Variants in EP400 observed in about 807,000 individuals in gnomAD.
EP400 encodes the protein E1A binding protein p400, also known as E1A-binding protein p400.
Under a neutral mutation model 354.1 loss-of-function variants are expected in EP400, and 105 were observed. The ratio of observed to expected loss-of-function variants is 0.30; its 90% confidence interval spans 0.25 to 0.35. The LOEUF (loss-of-function observed/expected upper bound fraction) is 0.35, where lower values mean the gene tolerates loss of function less well. EP400 is among the 10% of genes least tolerant of loss of function. EP400 has a pLI of 1.00. For missense variants in EP400, 3,280 were observed against 4,121.0 expected (o/e 0.80, Z 5.59); for synonymous variants, 1,646 against 1,716.9 (o/e 0.96, Z 1.02).
Position 132,052,439 on chromosome 12 carries a change from G to A in EP400, c.7395-707G>A, listed in dbSNP as rs1020363154. 3.3e-4 allele frequency among the ~76,000 whole-genome samples: 51 copies of A among 152,244 alleles called. No individual in the cohort carries two copies. Among genetic ancestry groups the A allele is most frequent in the Admixed American group, 2.8e-3 (43 of 15,288 alleles). On this transcript the variant is annotated intron_variant, in intron 41 of 52. Coordinates refer to ENST00000389561, the MANE Select transcript of EP400 (RefSeq NM_015409.5). The surrounding 1 kb of genome is among the most constrained non-coding windows in gnomAD (Gnocchi z 4.4). ...TTCAGCCCCTTGGTGCTCCCTGAGT[G>A]TGCTGGCAGCCGCGCCCCAGCCCTT...
At chr12:131,954,424 CAA>C (rs1891623080) in intron 1 of EP400, among the ~76,000 whole-genome samples, 1 of 151,306 alleles carries the variant, frequency 6.6e-6, no homozygotes, top group Non-Finnish European at 1.5e-5. Context: ...CCTGTCTATA[CAA>C]AAAAATACAA....
chr12:132,032,659 C>T (rs191581917), intron 30 of EP400, among the ~76,000 whole-genome samples: 69 of 142,378 alleles, frequency 4.8e-4, no homozygotes, highest in Admixed American at 1.2e-3. Context: ...GAGATGGAGT[C>T]TTACTCTGTC....
chr12:131,989,130 G>T (rs1233472036), intron 7 of EP400, among the ~76,000 whole-genome samples: 1 of 152,254 alleles, frequency 6.6e-6, no homozygotes, highest in Non-Finnish European at 1.5e-5. Context: ...GGATGGGTGG[G>T]GGCTGGCCGA....
At chr12:132,048,519 AT>A (rs35268260) in intron 39 of EP400, among the ~76,000 whole-genome samples, 2,695 of 133,578 alleles carry the variant, frequency 0.02, 21 homozygotes, top group Middle Eastern at 0.071. Context: ...TTTGAGAGTG[AT>A]TTTTTTTTTT....
intron 47 of EP400, among the ~76,000 whole-genome samples, chr12:132,063,449 C>T (rs897212171): frequency 5.3e-5 from 8 of 152,128 alleles, no homozygotes; most frequent in Admixed American, 1.3e-4. Flanking sequence ...TGCAGTGAGC[C>T]GAGATTGTGC....
intron 15 of EP400, among the ~76,000 whole-genome samples, chr12:132,011,261 C>T (rs1379870475): frequency 6.6e-6 from 1 of 152,192 alleles, no homozygotes; most frequent in African/African-American, 2.4e-5. Flanking sequence ...CTACTAAGGC[C>T]TCCTCTGGTG....
intron 15 of EP400, among the ~76,000 whole-genome samples, chr12:132,007,743 G>C (rs546976136): frequency 6.6e-6 from 1 of 152,164 alleles, no homozygotes; most frequent in South Asian, 2.1e-4. Context: ...AGGGGATTTG[G>C]CCTTGTCTTT....
At chr12:131,971,367 T>C (rs963318079) in intron 2 of EP400, among the ~76,000 whole-genome samples, 1 of 152,242 alleles carries the variant, frequency 6.6e-6, no homozygotes, top group African/African-American at 2.4e-5. Flanking sequence ...ATATACTATA[T>C]TATCTGTTCA....
At chr12:132,001,973 G>A (rs1893430983) in intron 12 of EP400, among the ~76,000 whole-genome samples, 1 of 152,170 alleles carries the variant, frequency 6.6e-6, no homozygotes, top group Non-Finnish European at 1.5e-5. Context: ...CACTGGAACA[G>A]CTCGTGCCCT....
At position 132,023,163 on chromosome 12, in the gene EP400, A is replaced by T. The variant is rs1217190945; in HGVS notation, c.4691-614A>T. 1.3e-4 allele frequency among the ~76,000 whole-genome samples: 18 copies of T among 142,750 alleles called. No homozygotes were observed. In the South Asian group the frequency reaches 3.1e-3, roughly 24 times the overall value. The allele number at this position is 142,750 out of a possible 152,430, so 93.6% of individuals were successfully genotyped here. A position where few individuals can be genotyped will look rare whatever the true frequency, so the allele number is the denominator to read the frequency against. ...TTTTTTTTTTTGGAGATGGAGTTTC[A>T]CTCTTGTTGCCCAGACTGGGGTGCA... On this transcript the variant is annotated intron_variant, in intron 23 of 52. Transcript: ENST00000389561.
In EP400 at chr12:132,053,137, G is replaced by T; in HGVS notation, c.7395-9G>T. The T allele has an allele frequency of 6.2e-7, 1 of 1,614,002 alleles. No individual in the cohort carries two copies. Among genetic ancestry groups the T allele is most frequent in the Non-Finnish European group, 8.5e-7 (1 of 1,179,978 alleles). On this transcript the variant is annotated splice_polypyrimidine_tract_variant and intron_variant, in intron 41 of 52. Transcript: ENST00000389561. The stretch of plus-strand genomic sequence containing the variant: ...CTGTATGTTTTTAACCTTTGCGTCT[G>T]TCTTTCAGTGGAATCAACTATGACA...
At position 132,052,269 on chromosome 12, in the gene EP400, C is replaced by T. The variant is rs1471211965; in HGVS notation, c.7395-877C>T. The stretch of plus-strand genomic sequence containing the variant: ...GCCGCCCACAGTTGTCACACAGTGG[C>T]GGATTTGGGAGGCTTCCTCGTTCTG... On this transcript the variant is annotated intron_variant, in intron 41 of 52. Transcript: ENST00000389561. This position sits in a 1 kb window ranked among gnomAD's most constrained non-coding sequence, Gnocchi z 4.4. Among the ~76,000 whole-genome samples, 1 of 152,202 alleles carries T rather than the reference C, an allele frequency of 6.6e-6. No individual in the cohort carries two copies. The highest frequency in any genetic ancestry group is 1.5e-5 in the Non-Finnish European group (1 of 68,022).
In EP400 at chr12:132,014,413, G is replaced by A. The variant is rs187804201; in HGVS notation, c.3923+500G>A. The stretch of plus-strand genomic sequence containing the variant: ...ATGGCCAGCCGCTGTGCCTCTGTCT[G>A]GCAGGGACGTGCTGGTGCCAGAAGC... On this transcript the variant is annotated intron_variant, in intron 19 of 52. Coordinates refer to ENST00000389561, the MANE Select transcript of EP400 (RefSeq NM_015409.5). Among the ~76,000 whole-genome samples, 445 of 152,298 alleles carry A rather than the reference G, an allele frequency of 2.9e-3. 4 individuals are homozygous for A. Among genetic ancestry groups the A allele is most frequent in the African/African-American group, 0.01 (431 of 41,570 alleles).
chr12:131,963,551 A>G (rs929223110), intron 2 of EP400: 6 of 1,598,390 alleles, frequency 3.8e-6, no homozygotes, highest in Non-Finnish European at 5.1e-6. Flanking sequence ...GTGACAGGAA[A>G]GGATGGGCAG....
At chr12:132,060,607 C>T (rs1426986061) in intron 45 of EP400, among the ~76,000 whole-genome samples, 1 of 152,076 alleles carries the variant, frequency 6.6e-6, no homozygotes, top group Non-Finnish European at 1.5e-5. Context: ...GGCTCTGCAT[C>T]TCTTGGAGAT....
At chr12:131,979,639 A>C in intron 2 of EP400, 55 bp from the exon 3 acceptor site, 1 of 1,487,680 alleles carries the variant, frequency 6.7e-7, no homozygotes, top group Non-Finnish European at 9.1e-7. Context: ...ATTTGAGTTT[A>C]TTCTTGTAAT....
chr12:131,971,122 T>C (rs1892274568), intron 2 of EP400, among the ~76,000 whole-genome samples: 1 of 152,160 alleles, frequency 6.6e-6, no homozygotes, highest in Non-Finnish European at 1.5e-5. Flanking sequence ...GAAGATCGCT[T>C]GAGCCCAGGA....
intron 23 of EP400, among the ~76,000 whole-genome samples, chr12:132,021,893 GAT>G (rs573761027): frequency 1.3e-5 from 2 of 152,172 alleles, no homozygotes; most frequent in Non-Finnish European, 2.9e-5. Flanking sequence ...TGTCCAGTGG[GAT>G]TAGTATGTTT....
At chr12:132,033,340 C>G (rs1289480784) in intron 30 of EP400, among the ~76,000 whole-genome samples, 1 of 152,160 alleles carries the variant, frequency 6.6e-6, no homozygotes, top group Non-Finnish European at 1.5e-5. Flanking sequence ...TTTCTAAGTG[C>G]TTACTGTTAC....
Sources: allele counts gnomAD v4.1 joint callset (sites outside exome capture counted in the v4.1 genomes callset), GRCh38; gene constraint gnomAD v4.1.1; non-coding constraint Gnocchi (gnomAD v3.1); transcripts MANE v1.5; gene names NCBI Gene and HGNC (gene_info 2026-07-23, HGNC 2026-07-21).